The following PAK3 variants were observed in gnomAD, a reference collection of about 807,000 sequenced individuals.
PAK3 encodes serine/threonine-protein kinase PAK 3.
PAK3 carries 4 observed loss-of-function variants against 41.0 expected under a neutral mutation model. That is an observed-to-expected ratio of 0.10 (90% CI 0.05 to 0.22). The LOEUF (loss-of-function observed/expected upper bound fraction) is 0.22. Among genes scored for constraint, PAK3 ranks in the 10% least tolerant of loss-of-function variants. The pLI, the probability that PAK3 is intolerant of heterozygous loss-of-function variation, is 1.00. For missense variants in PAK3, 205 were observed against 409.9 expected (o/e 0.50, Z 4.32); for synonymous variants, 146 against 139.6 (o/e 1.05, Z -0.32).
chrX:110,964,870 ACTGGCTGGCTTG>A (rs918171931), intron 1 of PAK3, among the ~76,000 whole-genome samples: 2 of 110,863 alleles, frequency 1.8e-5, no homozygotes, highest in African/African-American at 3.3e-5. Flanking sequence ...TGACTGACTG[ACTGGCTGGCTTG>A]CTGGCTGGCT....
intron 4 of PAK3, among the ~76,000 whole-genome samples, chrX:111,122,020 C>T (rs1226564732): frequency 2.7e-5 from 3 of 109,631 alleles, no homozygotes; most frequent in Admixed American, 9.8e-5. Flanking sequence ...TTTGGGAGGC[C>T]GAGGCAGGTG....
At chrX:111,027,997 G>GTGTGTGTGTATATATATATACATATATA (rs2092294342) in intron 1 of PAK3, among the ~76,000 whole-genome samples, 1 of 6,197 alleles carries the variant, frequency 1.6e-4, no homozygotes, top group African/African-American at 2.2e-4. Context: ...ATATATATGT[G>GTGTGTGTGTATATATATATACATATATA]TGTGTGTGTA....
intron 1 of PAK3, among the ~76,000 whole-genome samples, chrX:111,079,615 C>T (rs1183441841): frequency 2.7e-5 from 3 of 112,258 alleles, no homozygotes; most frequent in South Asian, 7.3e-4. Flanking sequence ...AACACAACAT[C>T]TCTTCTGCAG....
At chrX:111,081,939 T>C (rs2092837997) in intron 1 of PAK3, among the ~76,000 whole-genome samples, 2 of 111,639 alleles carry the variant, frequency 1.8e-5, no homozygotes, top group South Asian at 3.8e-4. Context: ...TGACACACAA[T>C]AGGTGTTCAA....
At chrX:110,955,306 C>A (rs1469972887) in intron 1 of PAK3, among the ~76,000 whole-genome samples, 3 of 111,955 alleles carry the variant, frequency 2.7e-5, no homozygotes, top group Non-Finnish European at 5.6e-5. Flanking sequence ...AAAAACAGAC[C>A]ATTTGTTTTC....
At chrX:111,032,346 A>T (rs751083598) in intron 1 of PAK3, among the ~76,000 whole-genome samples, 20 of 111,929 alleles carry the variant, frequency 1.8e-4, no homozygotes, top group African/African-American at 3.9e-4. Flanking sequence ...ATAGTTTTTT[A>T]AAAAAAGGAA....
intron 11 of PAK3, among the ~76,000 whole-genome samples, chrX:111,181,408 T>C (rs1476173465): frequency 2.7e-5 from 3 of 111,659 alleles, no homozygotes; most frequent in Non-Finnish European, 5.7e-5. Context: ...TATAGAATGA[T>C]GATATGTTCA....
At chrX:111,173,296 G>A (rs2094367566) in intron 11 of PAK3, among the ~76,000 whole-genome samples, 1 of 111,291 alleles carries the variant, frequency 9.0e-6, no homozygotes, top group Admixed American at 9.6e-5. Context: ...CTTCATTATT[G>A]TTGGGCTGAC....
At chrX:111,066,087 T>C (rs1388501539) in intron 1 of PAK3, among the ~76,000 whole-genome samples, 1 of 112,063 alleles carries the variant, frequency 8.9e-6, no homozygotes, top group Non-Finnish European at 1.9e-5. Flanking sequence ...TCTTTTCTTC[T>C]GGTAGCTTTG....
intron 1 of PAK3, among the ~76,000 whole-genome samples, chrX:111,000,468 C>A (rs561731919): frequency 8.9e-6 from 1 of 111,968 alleles, no homozygotes; most frequent in Admixed American, 9.4e-5. Flanking sequence ...TCATGAGAGA[C>A]AAAGGTTGAG....
chrX:111,158,471 C>T (rs868161666), intron 8 of PAK3, among the ~76,000 whole-genome samples: 5 of 111,781 alleles, frequency 4.5e-5, no homozygotes, highest in Non-Finnish European at 7.5e-5. Context: ...TAGTAAAGTA[C>T]GCCTAATCCC....
At chrX:111,110,985 A>T (rs1476117510) in intron 4 of PAK3, among the ~76,000 whole-genome samples, 1 of 112,011 alleles carries the variant, frequency 8.9e-6, no homozygotes, top group Admixed American at 9.4e-5. Flanking sequence ...CTCAGGGATC[A>T]TTAGTCACTC....
chrX:111,021,449 A>G (rs1439924408), intron 1 of PAK3, among the ~76,000 whole-genome samples: 1 of 111,857 alleles, frequency 8.9e-6, no homozygotes, highest in African/African-American at 3.3e-5. Context: ...ACAAATCACT[A>G]CAGCTTAGCT....
chrX:111,189,602 T>G (rs768885865), intron 11 of PAK3, among the ~76,000 whole-genome samples: 70 of 111,906 alleles, frequency 6.3e-4, no homozygotes, highest in African/African-American at 2.2e-3. Context: ...TTTTGACTCT[T>G]TAATAATTGC....
intron 4 of PAK3, among the ~76,000 whole-genome samples, chrX:111,115,337 G>A (rs1201844259): frequency 9.0e-6 from 1 of 111,491 alleles, no homozygotes; most frequent in East Asian, 2.8e-4. Context: ...GACTGCTTTG[G>A]GTGTATTATA....
At chrX:110,974,669 G>A (rs371808569) in intron 1 of PAK3, among the ~76,000 whole-genome samples, 4 of 111,486 alleles carry the variant, frequency 3.6e-5, no homozygotes, top group Non-Finnish European at 7.5e-5. Context: ...AAAGAGAATT[G>A]TAGACCAATA....
intron 1 of PAK3, among the ~76,000 whole-genome samples, chrX:111,007,238 G>A (rs951336461): frequency 3.1e-4 from 35 of 111,243 alleles, no homozygotes; most frequent in African/African-American, 1.0e-3. Flanking sequence ...GCAACTCCCC[G>A]TGAGGGATTC....
At position 111,114,303 on chromosome X, in the gene PAK3, C is replaced by T. The variant is rs139625103; in HGVS notation, c.-27-8774C>T. Among the ~76,000 whole-genome samples, 3 of 112,040 alleles carry T rather than the reference C, an allele frequency of 2.7e-5. No individual in the cohort carries two copies. In the East Asian group the frequency reaches 8.5e-4, roughly 32 times the overall value. On this transcript the variant is annotated intron_variant, in intron 4 of 17. Coordinates refer to ENST00000372007, the MANE Select transcript of PAK3 (RefSeq NM_002578.5). ...AGCTAGACACTTATTTATCTGCTTA[C>T]ACCCATCACTTAGTATGATGCCTAG...
At chrX:111,142,075 A>G (rs371871838) in intron 5 of PAK3, 21 bp from the exon 6 acceptor site, 26 of 926,615 alleles carry the variant, frequency 2.8e-5, no homozygotes, top group Non-Finnish European at 4.1e-5. Context: ...AAATAAATAC[A>G]TGTTAACATT....
Sources: gnomAD v4.1 joint callset for allele counts (sites outside exome capture counted in the v4.1 genomes callset) on GRCh38, gnomAD v4.1.1 for gene constraint, MANE v1.5 for transcripts, NCBI Gene and HGNC (gene_info 2026-07-23, HGNC 2026-07-21) for gene names.